Variants in CNTN5 observed in about 807,000 individuals in gnomAD.
The protein encoded by CNTN5 is contactin 5, also known as contactin-5.
A neutral mutation model predicts 129.1 loss-of-function variants in CNTN5; 77 were observed. The observed-to-expected ratio is 0.60, with a 90% CI of 0.50 to 0.72. CNTN5 has a LOEUF of 0.72. Among genes scored for constraint, CNTN5 ranks in the 30% least tolerant of loss-of-function variants. The pLI, the probability that CNTN5 is intolerant of heterozygous loss-of-function variation, is 0.00. For synonymous variants in CNTN5, 509 were observed against 465.6 expected (o/e 1.09, Z -1.20); for missense variants, 1,478 against 1,328.8 (o/e 1.11, Z -1.75).
intron 2 of CNTN5, among the ~76,000 whole-genome samples, chr11:99,554,754 G>A (rs748626043): frequency 1.3e-5 from 2 of 151,918 alleles, no homozygotes; most frequent in Non-Finnish European, 2.9e-5. Flanking sequence ...CATACTTCTG[G>A]CAACTTTAAT....
chr11:99,306,373 G>A (rs1039764177), intron 1 of CNTN5, among the ~76,000 whole-genome samples: 1 of 152,134 alleles, frequency 6.6e-6, no homozygotes, highest in Non-Finnish European at 1.5e-5. Context: ...AAATGAGATA[G>A]TGGACAAAAA....
chr11:99,790,562 C>T (rs565661280), intron 3 of CNTN5, among the ~76,000 whole-genome samples: 1 of 152,186 alleles, frequency 6.6e-6, no homozygotes, highest in East Asian at 1.9e-4. Context: ...TTTCTTTACC[C>T]AGTCTACCAT....
intron 3 of CNTN5, among the ~76,000 whole-genome samples, chr11:99,663,044 T>G (rs1218367961): frequency 6.6e-6 from 1 of 152,234 alleles, no homozygotes; most frequent in African/African-American, 2.4e-5. Flanking sequence ...TTAGTTCACA[T>G]GAGTAGTACT....
At chr11:100,032,673 T>C (rs1046336702) in intron 9 of CNTN5, among the ~76,000 whole-genome samples, 1 of 152,166 alleles carries the variant, frequency 6.6e-6, no homozygotes, top group Admixed American at 6.5e-5. Context: ...CCTCATAATG[T>C]CGTTTTTAAA....
chr11:99,799,745 T>A (rs1301839), intron 3 of CNTN5, among the ~76,000 whole-genome samples: 1 of 151,836 alleles, frequency 6.6e-6, no homozygotes. Flanking sequence ...GTAACTTGGG[T>A]TGATGCTGCC....
intron 6 of CNTN5, among the ~76,000 whole-genome samples, chr11:99,880,914 T>G (rs1336173962): frequency 6.6e-6 from 1 of 152,182 alleles, no homozygotes; most frequent in Non-Finnish European, 1.5e-5. Flanking sequence ...TTTAAAAAAA[T>G]TGTCTCTCTT....
At chr11:100,238,644 G>T (rs1949676014) in intron 16 of CNTN5, among the ~76,000 whole-genome samples, 1 of 152,102 alleles carries the variant, frequency 6.6e-6, no homozygotes, top group Admixed American at 6.5e-5. Flanking sequence ...ATAAAAGAAT[G>T]AAATGAGGTT....
chr11:99,311,542 C>T, intron 1 of CNTN5, among the ~76,000 whole-genome samples: 1 of 152,120 alleles, frequency 6.6e-6, no homozygotes, highest in East Asian at 1.9e-4. Flanking sequence ...AACCTCATCA[C>T]AATGCTCTCC....
At chr11:99,163,024 C>T (rs944741042) in intron 1 of CNTN5, among the ~76,000 whole-genome samples, 2 of 152,166 alleles carry the variant, frequency 1.3e-5, no homozygotes, top group Non-Finnish European at 2.9e-5. Context: ...CTTTTCACAA[C>T]CGAAGTTGCC....
intron 1 of CNTN5, among the ~76,000 whole-genome samples, chr11:99,027,282 T>C (rs1591065593): frequency 6.6e-6 from 1 of 151,724 alleles, no homozygotes; most frequent in African/African-American, 2.4e-5. Flanking sequence ...TAGTAATAAA[T>C]GTTTAATGGA....
At chr11:100,048,683 A>C (rs1162826660) in intron 9 of CNTN5, among the ~76,000 whole-genome samples, 1 of 152,024 alleles carries the variant, frequency 6.6e-6, no homozygotes, top group Non-Finnish European at 1.5e-5. Context: ...AAGAGAAGTA[A>C]AATGGAATTA....
rs1219506419 is a variant in CNTN5 at position 99,819,441 on chromosome 11, C to G, written c.56-103C>G. ...TGTAATCTGAATTTGCTTGCAGCTC[C>G]AAAGAAGGTTTTTAGTAATGTCTTC... On this transcript the variant is annotated intron_variant, in intron 3 of 24. Coordinates refer to ENST00000524871, the MANE Select transcript of CNTN5 (RefSeq NM_014361.4). 5 of 961,150 alleles carry G rather than the reference C, an allele frequency of 5.2e-6. No homozygotes were observed. In the Admixed American group the frequency reaches 1.2e-4, roughly 24 times the overall value. The allele number at this position is 961,150 out of a possible 1,614,324, so 59.5% of individuals were successfully genotyped here. A position where few individuals can be genotyped will look rare whatever the true frequency, so the allele number is the denominator to read the frequency against.
intron 3 of CNTN5, among the ~76,000 whole-genome samples, chr11:99,795,506 G>A (rs1945900998): frequency 6.6e-6 from 1 of 151,786 alleles, no homozygotes; most frequent in East Asian, 1.9e-4. Flanking sequence ...GCCTTAGTGA[G>A]TTGCCAGATA....
At chr11:99,124,576 C>G (rs1858523617) in intron 1 of CNTN5, among the ~76,000 whole-genome samples, 1 of 151,832 alleles carries the variant, frequency 6.6e-6, no homozygotes, top group Non-Finnish European at 1.5e-5. Flanking sequence ...TAAGGGCAAA[C>G]CAACTCTAAA....
chr11:99,173,115 G>C (rs1857611600), intron 1 of CNTN5, among the ~76,000 whole-genome samples: 1 of 152,132 alleles, frequency 6.6e-6, no homozygotes, highest in African/African-American at 2.4e-5. Flanking sequence ...GCATGGGAAA[G>C]AGCCATCCCT....
At chr11:99,319,128 G>A (rs1296140859) in intron 1 of CNTN5, among the ~76,000 whole-genome samples, 6 of 152,168 alleles carry the variant, frequency 3.9e-5, no homozygotes, top group Admixed American at 1.3e-4. Flanking sequence ...GACATCAGTA[G>A]CACTGGGTTG....
intron 1 of CNTN5, among the ~76,000 whole-genome samples, chr11:99,088,673 C>G (rs1247751534): frequency 1.3e-5 from 2 of 152,062 alleles, no homozygotes; most frequent in Non-Finnish European, 2.9e-5. Flanking sequence ...AAGACCTGTA[C>G]ATTATAGCAA....
At chr11:100,326,815 TAAGCTGA>T (rs1404412111) in intron 21 of CNTN5, among the ~76,000 whole-genome samples, 1 of 152,174 alleles carries the variant, frequency 6.6e-6, no homozygotes, top group Non-Finnish European at 1.5e-5. Flanking sequence ...GCTTCTTGGT[TAAGCTGA>T]AACCTATCTG....
intron 1 of CNTN5, among the ~76,000 whole-genome samples, chr11:99,308,377 A>G (rs1271624585): frequency 1.3e-5 from 2 of 152,176 alleles, no homozygotes; most frequent in Middle Eastern, 3.2e-3. Flanking sequence ...TAAGAAGTGA[A>G]GGGCTAACTT....
Sources: gnomAD v4.1 joint callset for allele counts (sites outside exome capture counted in the v4.1 genomes callset) on GRCh38, gnomAD v4.1.1 for gene constraint, MANE v1.5 for transcripts, NCBI Gene and HGNC (gene_info 2026-07-23, HGNC 2026-07-21) for gene names.